The following ANKS1A variants were observed in gnomAD, a reference collection of about 807,000 sequenced individuals.
ANKS1A encodes ankyrin repeat and SAM domain-containing protein 1A.
Under a neutral mutation model 120.3 loss-of-function variants are expected in ANKS1A, and 55 were observed. That is an observed-to-expected ratio of 0.46 (90% confidence interval 0.37 to 0.57). ANKS1A has a LOEUF of 0.57. Among genes scored for constraint, ANKS1A ranks in the 20% least tolerant of loss-of-function variants. The pLI, the probability that ANKS1A is intolerant of heterozygous loss-of-function variation, is 0.00. For synonymous variants in ANKS1A, 590 were observed against 604.7 expected, an observed-to-expected ratio of 0.98 and a Z score of 0.36; for missense variants, 1,123 against 1,480.3, an observed-to-expected ratio of 0.76 and a Z score of 3.96.
chr6:35,062,024 T>A (rs1329137666), intron 13 of ANKS1A, among the ~76,000 whole-genome samples: 1 of 152,230 alleles, frequency 6.6e-6, no homozygotes. Context: ...AGAACAGGAT[T>A]CCTACCCCTC....
chr6:35,086,163 G>A lies in ANKS1A; in HGVS notation c.3303+227G>A. 1 of 1,209,322 alleles carries A rather than the reference G, an allele frequency of 8.3e-7. No individual in the cohort carries two copies. Among genetic ancestry groups the A allele is most frequent in the Non-Finnish European group, 1.1e-6 (1 of 881,704 alleles). The allele number at this position is 1,209,322 out of a possible 1,614,324, so 74.9% of individuals were successfully genotyped here. ...TGCTCCTGTTTCCCTCCCTCGCTGG[G>A]CTCCCCCAAGGGCAAGGCCGTCAAG... On this transcript the variant is annotated intron_variant, in intron 22 of 23. Transcript: ENST00000360359. This position sits in a 1 kb window ranked among gnomAD's most constrained non-coding sequence, Gnocchi z 5.1.
intron 11 of ANKS1A, among the ~76,000 whole-genome samples, chr6:35,043,882 T>A (rs1422659119): frequency 6.6e-6 from 1 of 152,222 alleles, no homozygotes; most frequent in Non-Finnish European, 1.5e-5. Context: ...TGACCACTTG[T>A]GAAGCAATCT....
At position 34,965,214 on chromosome 6, in the gene ANKS1A, G is replaced by C. The variant is rs560903739; in HGVS notation, c.198-2025G>C. Among the ~76,000 whole-genome samples, 183 of 151,748 alleles carry C rather than the reference G, an allele frequency of 1.2e-3. 1 individual carries two copies. The highest frequency in any genetic ancestry group is 6.8e-3 in the Middle Eastern group (2 of 294). ...ATGACTTTATAGTATTTACAATTTT[G>C]TTTCTTTTTTCTCCTTAACATTATA... On this transcript the variant is annotated intron_variant, in intron 1 of 23. Transcript: ENST00000360359.
At chr6:34,920,170 A>G (rs1033470554) in intron 1 of ANKS1A, among the ~76,000 whole-genome samples, 6 of 152,052 alleles carry the variant, frequency 3.9e-5, no homozygotes, top group African/African-American at 1.4e-4. Context: ...GAGGTTTAAA[A>G]TTGTGTTTCC....
intron 11 of ANKS1A, 45 bp from the exon 12 acceptor site, chr6:35,054,054 C>A (rs1776088630): frequency 6.4e-7 from 1 of 1,571,732 alleles, no homozygotes; most frequent in South Asian, 1.1e-5. Flanking sequence ...TAAGGTTTAC[C>A]CCAAGCCTGA....
chr6:34,889,737 C>G lies in ANKS1A; in HGVS notation c.197+138C>G, dbSNP rs1307581110. 1 of 1,133,520 alleles carries G rather than the reference C, an allele frequency of 8.8e-7. No individual in the cohort carries two copies. Among genetic ancestry groups the G allele is most frequent in the Non-Finnish European group, 1.1e-6 (1 of 918,836 alleles). The allele number at this position is 1,133,520 out of a possible 1,614,324, so 70.2% of individuals were successfully genotyped here. On this transcript the variant is annotated intron_variant, in intron 1 of 23. Transcript: ENST00000360359. This position sits in a 1 kb window ranked among gnomAD's most constrained non-coding sequence, Gnocchi z 5.5. ...CGTGCCCGGGGCGAGGCAGGCGGCC[C>G]GCGGGCCAGGGTACCGGAGGGCGCG... is the stretch of plus-strand genomic sequence containing the variant.
chr6:35,083,163 C>T lies in ANKS1A; in HGVS notation c.2844C>T (p.Gly948=). ...ESCGYEANYL[G]SMLIKDLRGT... ...ACTGCTCGCCCCCACAGTATCTGGGCTCCATGCTGATCAAAGATCTGCGAG... is the reference window on the plus strand; with the variant it reads ...ACTGCTCGCCCCCACAGTATCTGGGTTCCATGCTGATCAAAGATCTGCGAG... Residue 948 remains glycine (G), a synonymous_variant, in exon 19 of 24, where the codon GGC becomes GGT. Coordinates refer to ENST00000360359, the MANE Select transcript of ANKS1A (RefSeq NM_015245.3). 6.2e-7 allele frequency: 1 copy of T among 1,614,140 alleles called. No individual in the cohort carries two copies. Among genetic ancestry groups the T allele is most frequent in the South Asian group, 1.1e-5 (1 of 91,086 alleles).
chr6:35,089,779 A>G lies in ANKS1A; in HGVS notation c.*1170A>G, dbSNP rs1019040076. 1 of 1,018,060 alleles carries G rather than the reference A, an allele frequency of 9.8e-7. No homozygotes were observed. Among genetic ancestry groups the G allele is most frequent in the African/African-American group, 1.7e-5 (1 of 58,006 alleles). The allele number at this position is 1,018,060 out of a possible 1,614,324, so 63.1% of individuals were successfully genotyped here. ...TGGGTTGCATTCTTCCCTCTGGACT[A>G]GAGTAGAAATGCAGGGGAAACTGCT... On this transcript the variant is annotated 3_prime_UTR_variant, in exon 24 of 24. Transcript: ENST00000360359.
chr6:34,957,011 G>A (rs1314015630), intron 1 of ANKS1A, among the ~76,000 whole-genome samples: 1 of 152,068 alleles, frequency 6.6e-6, no homozygotes, highest in African/African-American at 2.4e-5. Context: ...CCTTCCCAAG[G>A]GTGCCTCTGT....
chr6:35,001,036 C>A (rs1404196695), intron 10 of ANKS1A, among the ~76,000 whole-genome samples: 1 of 152,074 alleles, frequency 6.6e-6, no homozygotes, highest in African/African-American at 2.4e-5. Flanking sequence ...TAAAAAGAGT[C>A]TATAAAAACT....
intron 11 of ANKS1A, among the ~76,000 whole-genome samples, chr6:35,020,616 C>G (rs1442244458): frequency 1.3e-5 from 2 of 152,222 alleles, no homozygotes; most frequent in African/African-American, 4.8e-5. Context: ...CGATTCTTCA[C>G]AGGATATTTA....
intron 11 of ANKS1A, chr6:35,023,704 C>A (rs2127563291): frequency 5.7e-6 from 2 of 348,702 alleles, no homozygotes; most frequent in South Asian, 5.4e-5. Context: ...GAGATTCGAC[C>A]AATTAGCGTG....
intron 11 of ANKS1A, among the ~76,000 whole-genome samples, chr6:35,032,602 C>T (rs1464763537): frequency 6.6e-6 from 1 of 152,130 alleles, no homozygotes; most frequent in African/African-American, 2.4e-5. Context: ...TGTTTTCCCC[C>T]AAAGAACTCA....
intron 13 of ANKS1A, among the ~76,000 whole-genome samples, chr6:35,066,113 C>T (rs1776761399): frequency 6.6e-6 from 1 of 152,188 alleles, no homozygotes; most frequent in Non-Finnish European, 1.5e-5. Context: ...TCGTCTGTCA[C>T]GCGGGCCTTC....
chr6:34,895,780 C>CATTTTTTTTTTTT (rs1767041000), intron 1 of ANKS1A, among the ~76,000 whole-genome samples: 1 of 90,386 alleles, frequency 1.1e-5, no homozygotes, highest in African/African-American at 4.6e-5. Flanking sequence ...GAATGTCTTT[C>CATTTTTTTTTTTT]TTTTTTTTTT....
chr6:34,895,708 A>G (rs7756122), intron 1 of ANKS1A, among the ~76,000 whole-genome samples: 11,026 of 151,664 alleles, frequency 0.073, 609 homozygotes, highest in East Asian at 0.23. Flanking sequence ...ACTATCCACT[A>G]GCATAGCAGT....
At chr6:35,080,533 G>C (rs908141212) in intron 16 of ANKS1A, among the ~76,000 whole-genome samples, 2 of 152,200 alleles carry the variant, frequency 1.3e-5, no homozygotes, top group African/African-American at 4.8e-5. Context: ...CAGGGGCTTC[G>C]TGAAGTGGGT....
chr6:35,017,654 C>T lies in ANKS1A; in HGVS notation c.1605C>T (p.Gly535=), dbSNP rs1774099195. 2 of 1,613,686 alleles carry T rather than the reference C, an allele frequency of 1.2e-6. No individual in the cohort carries two copies. Among genetic ancestry groups the T allele is most frequent in the African/African-American group, 2.7e-5 (2 of 74,928 alleles). The change falls in exon 11 of 24, where the codon GGC becomes GGT. Residue 535 remains glycine (G), a synonymous_variant. Transcript: ENST00000360359. ...ATCCAGACGGGTCCCCCCAGCAGGGCGCCTGCCACAAGGCCAGCATGCAGC... is the reference window on the plus strand; with the variant it reads ...ATCCAGACGGGTCCCCCCAGCAGGGTGCCTGCCACAAGGCCAGCATGCAGC... ...QSHPDGSPQQ[G]ACHKASMQLE...
intron 1 of ANKS1A, among the ~76,000 whole-genome samples, chr6:34,899,078 A>G (rs1006110410): frequency 2.6e-5 from 4 of 152,230 alleles, no homozygotes; most frequent in Admixed American, 2.0e-4. Context: ...TTGCACCTCA[A>G]AATCAACAAG....
Sources: gnomAD v4.1 joint callset for allele counts (sites outside exome capture counted in the v4.1 genomes callset) on GRCh38, gnomAD v4.1.1 for gene constraint, Gnocchi (gnomAD v3.1) non-coding constraint, MANE v1.5 for transcripts, NCBI Gene and HGNC (gene_info 2026-07-23, HGNC 2026-07-21) for gene names.